The following LRP12 variants were observed in gnomAD, a reference collection of about 807,000 sequenced individuals.
LRP12 encodes low-density lipoprotein receptor-related protein 12.
In LRP12, 14 loss-of-function variants were observed where a neutral mutation model predicts 66.0. The observed-to-expected ratio is 0.21, with a 90% confidence interval of 0.14 to 0.33. LRP12 has a LOEUF of 0.33. Ranked by LOEUF, LRP12 falls within the 10% of genes least tolerant of loss-of-function variation. The pLI is 1.00. For missense variants in LRP12, 889 were observed against 1,053.4 expected (o/e 0.84, Z 2.16); for synonymous variants, 357 against 359.1 (o/e 0.99, Z 0.07).
chr8:104,499,595 T>TA, intron 3 of LRP12, 76 bp from the exon 4 acceptor site: 2 of 981,954 alleles, frequency 2.0e-6, no homozygotes, highest in Non-Finnish European at 3.0e-6. Context: ...TAACTGAGGA[T>TA]ATTATTATAA....
At chr8:104,515,493 G>A (rs1264698093) in intron 2 of LRP12, among the ~76,000 whole-genome samples, 1 of 151,972 alleles carries the variant, frequency 6.6e-6, no homozygotes, top group Non-Finnish European at 1.5e-5. Context: ...TACTTTTTTT[G>A]GCTAAAATTA....
chr8:104,548,301 AATATATATTATAT>A lies in LRP12; in HGVS notation c.80-16351_80-16339del, dbSNP rs1345624081. 8.3e-3 allele frequency among the ~76,000 whole-genome samples: 711 copies of A among 85,490 alleles called. 79 individuals carry two copies. Among genetic ancestry groups the A allele is most frequent in the African/African-American group, 0.039 (687 of 17,584 alleles). The allele number at this position is 85,490 out of a possible 152,430, so 56.1% of individuals were successfully genotyped here. A position where few individuals can be genotyped will look rare whatever the true frequency, so the allele number is the denominator to read the frequency against. Reference sequence around the variant, plus strand: ...ATATTAATATATCATATATTTATATAATATATATTATATAAATATATAATATATATTATATAAA... The same window carrying A: ...ATATTAATATATCATATATTTATATAAAATATATAATATATATTATATAAA... On this transcript the variant is annotated intron_variant, in intron 1 of 6. Coordinates refer to ENST00000276654, the MANE Select transcript of LRP12 (RefSeq NM_013437.5).
intron 2 of LRP12, among the ~76,000 whole-genome samples, chr8:104,511,030 CTTTTTTTT>C (rs11350393): frequency 6.6e-4 from 36 of 54,368 alleles, no homozygotes; most frequent in Middle Eastern, 0.017. Context: ...GGAAAAATGA[CTTTTTTTT>C]TTTTTTTTTT....
chr8:104,490,771 G>T lies in LRP12; in HGVS notation c.2482C>A (p.Arg828Ser). ...TGGGCAGTGTGGACAATACCACAGC[G>T]CTCACAGGGGCCATCTCGATTACTT... ...RPSNRDGPCE[R>S]CGIVHTAQIP... The change falls in exon 7 of 7, where the codon CGC becomes AGC. Residue 828 changes from arginine to serine, a missense_variant. Physicochemically the swap from Arg to Ser is moderately radical, Grantham distance 110. Transcript: ENST00000276654. 6.2e-7 allele frequency: 1 copy of T among 1,614,036 alleles called. No homozygotes were observed. The highest frequency in any genetic ancestry group is 8.5e-7 in the Non-Finnish European group (1 of 1,180,004).
intron 1 of LRP12, among the ~76,000 whole-genome samples, chr8:104,569,316 C>T (rs936083838): frequency 1.3e-5 from 2 of 152,036 alleles, no homozygotes; most frequent in Non-Finnish European, 2.9e-5. Flanking sequence ...TCCTTTTGGG[C>T]CAATGCAAAT....
intron 1 of LRP12, among the ~76,000 whole-genome samples, chr8:104,545,386 G>A (rs1316749540): frequency 1.3e-5 from 2 of 152,134 alleles, no homozygotes; most frequent in African/African-American, 2.4e-5. Flanking sequence ...TGAAAAGACT[G>A]ACCCCTATTT....
At chr8:104,525,784 C>A (rs1014953188) in intron 2 of LRP12, among the ~76,000 whole-genome samples, 2 of 152,084 alleles carry the variant, frequency 1.3e-5, no homozygotes, top group Admixed American at 1.3e-4. Flanking sequence ...GACAGGGATG[C>A]CCTCTCTCAC....
intron 1 of LRP12, among the ~76,000 whole-genome samples, chr8:104,536,906 AAAC>A (rs754348311): frequency 2.6e-5 from 4 of 152,080 alleles, no homozygotes; most frequent in Non-Finnish European, 5.9e-5. Context: ...TTGTAAATAT[AAAC>A]AATAGCCAGT....
At chr8:104,526,327 A>G (rs1400053622) in intron 2 of LRP12, among the ~76,000 whole-genome samples, 1 of 152,118 alleles carries the variant, frequency 6.6e-6, no homozygotes, top group East Asian at 1.9e-4. Flanking sequence ...ATTGGAAAAA[A>G]CTATTTTAAA....
At chr8:104,539,638 C>G (rs529719404) in intron 1 of LRP12, among the ~76,000 whole-genome samples, 13 of 152,098 alleles carry the variant, frequency 8.5e-5, no homozygotes, top group African/African-American at 3.1e-4. Context: ...TTATTCCTCT[C>G]AGTATCTTAA....
At chr8:104,572,706 G>A (rs1426416611) in intron 1 of LRP12, among the ~76,000 whole-genome samples, 1 of 151,870 alleles carries the variant, frequency 6.6e-6, no homozygotes, top group Non-Finnish European at 1.5e-5. Context: ...GGAAATACAG[G>A]TAAAATAATG....
At chr8:104,556,719 T>C (rs1387225010) in intron 1 of LRP12, among the ~76,000 whole-genome samples, 1 of 152,148 alleles carries the variant, frequency 6.6e-6, no homozygotes, top group Non-Finnish European at 1.5e-5. Flanking sequence ...CCATTAACAC[T>C]ATTCCAAAGA....
chr8:104,577,428 C>T (rs529353146), intron 1 of LRP12, among the ~76,000 whole-genome samples: 1 of 152,162 alleles, frequency 6.6e-6, no homozygotes, highest in African/African-American at 2.4e-5. Flanking sequence ...AAGAGACTCA[C>T]TAAAAACCAT....
At chr8:104,512,110 A>T (rs1811008293) in intron 2 of LRP12, among the ~76,000 whole-genome samples, 1 of 152,208 alleles carries the variant, frequency 6.6e-6, no homozygotes, top group South Asian at 2.1e-4. Flanking sequence ...TATTTGTAAG[A>T]ACTTCTTTTT....
At chr8:104,513,591 T>A (rs910224227) in intron 2 of LRP12, among the ~76,000 whole-genome samples, 1 of 152,186 alleles carries the variant, frequency 6.6e-6, no homozygotes, top group Non-Finnish European at 1.5e-5. Context: ...TGGACACTCA[T>A]TCCCAAGGTA....
intron 3 of LRP12, chr8:104,507,824 A>G (rs1405674910): frequency 1.3e-5 from 2 of 152,108 alleles, no homozygotes; most frequent in Non-Finnish European, 2.9e-5. Flanking sequence ...AAAACAAACT[A>G]TGGCCCTTGT....
At chr8:104,550,133 A>C (rs1013926083) in intron 1 of LRP12, among the ~76,000 whole-genome samples, 11 of 152,162 alleles carry the variant, frequency 7.2e-5, no homozygotes, top group Non-Finnish European at 1.5e-4. Context: ...TGTAGTCGGT[A>C]CTTTTCATAC....
intron 1 of LRP12, among the ~76,000 whole-genome samples, chr8:104,549,843 GA>G (rs1433311053): frequency 1.3e-5 from 2 of 152,110 alleles, no homozygotes; most frequent in African/African-American, 4.8e-5. Flanking sequence ...CAATGCCCTT[GA>G]AAACTCTATC....
At chr8:104,586,989 T>G (rs1191543320) in intron 1 of LRP12, among the ~76,000 whole-genome samples, 3 of 151,994 alleles carry the variant, frequency 2.0e-5, no homozygotes, top group Admixed American at 2.0e-4. Flanking sequence ...GAACACAAAT[T>G]CCAAAAAGAT....
Sources: gnomAD v4.1 joint callset for allele counts (sites outside exome capture counted in the v4.1 genomes callset) on GRCh38, gnomAD v4.1.1 for gene constraint, MANE v1.5 for transcripts, NCBI Gene and HGNC (gene_info 2026-07-23, HGNC 2026-07-21) for gene names.